Variants in HTR4 observed in about 807,000 individuals in gnomAD.
HTR4 encodes the protein 5-hydroxytryptamine receptor 4.
Under a neutral mutation model 36.8 loss-of-function variants are expected in HTR4, and 16 were observed. The ratio of observed to expected loss-of-function variants is 0.43; its 90% CI spans 0.29 to 0.66. The LOEUF is 0.66. Ranked by LOEUF, HTR4 falls within the 30% of genes least tolerant of loss-of-function variation. The probability of loss-of-function intolerance (pLI) is 0.13; values close to 1 mark genes in which losing one functional copy is unlikely to be tolerated. For missense variants in HTR4, 438 were observed against 490.9 expected, an observed-to-expected ratio of 0.89 and a Z score of 1.02; for synonymous variants, 189 against 185.1, an observed-to-expected ratio of 1.02 and a Z score of -0.17.
chr5:148,620,683 A>G (rs1752881730), intron 2 of HTR4, among the ~76,000 whole-genome samples: 1 of 152,248 alleles, frequency 6.6e-6, no homozygotes, highest in Non-Finnish European at 1.5e-5. Context: ...TATTTTTAAC[A>G]TAGTTGTTAC....
chr5:148,521,216 C>T (rs573048995), intron 5 of HTR4, among the ~76,000 whole-genome samples: 1 of 152,302 alleles, frequency 6.6e-6, no homozygotes, highest in South Asian at 2.1e-4. Flanking sequence ...CTGGAGGACT[C>T]TTAAAGGTTA....
chr5:148,554,383 A>T (rs894823107), intron 2 of HTR4, among the ~76,000 whole-genome samples: 2 of 152,158 alleles, frequency 1.3e-5, no homozygotes, highest in Non-Finnish European at 2.9e-5. Flanking sequence ...CCAGGAATGA[A>T]GTTTTGATAC....
intron 1 of HTR4, 55 bp downstream of exon 1, chr5:148,653,993 CCCGCCGCGTCCCCA>C: frequency 1.1e-6 from 1 of 932,850 alleles, no homozygotes; most frequent in Non-Finnish European, 1.3e-6. Flanking sequence ...CTGCCCCGCC[CCCGCCGCGTCCCCA>C]CCGGCACCCG....
chr5:148,646,182 T>C (rs1304748892), intron 1 of HTR4: 1 of 152,228 alleles, frequency 6.6e-6, no homozygotes, highest in African/African-American at 2.4e-5. Context: ...TGGAGAGCAG[T>C]TCAGGAGACA....
At chr5:148,478,088 C>A (rs560545476), downstream of HTR4, among the ~76,000 whole-genome samples, 1 of 152,144 alleles carries the variant, frequency 6.6e-6, no homozygotes, top group African/African-American at 2.4e-5. Context: ...AGACCTTGTC[C>A]GGTTTCTTTA....
intron 5 of HTR4, 73 bp downstream of exon 5, chr5:148,523,120 T>C (rs949539568): frequency 2.6e-5 from 35 of 1,339,704 alleles, no homozygotes; most frequent in Non-Finnish European, 3.4e-5. Context: ...CAATCTAATA[T>C]TATTTATTCA....
chr5:148,559,995 G>C (rs977636844), intron 2 of HTR4, among the ~76,000 whole-genome samples: 1 of 151,788 alleles, frequency 6.6e-6, no homozygotes, highest in Non-Finnish European at 1.5e-5. Context: ...TCATCTGTGT[G>C]GTCTTCATTT....
At chr5:148,611,729 T>G (rs561735778) in intron 2 of HTR4, among the ~76,000 whole-genome samples, 1 of 151,900 alleles carries the variant, frequency 6.6e-6, no homozygotes, top group East Asian at 1.9e-4. Context: ...AGACACAGAC[T>G]GGCAAATTGG....
At chr5:148,521,595 A>T (rs1289727091) in intron 5 of HTR4, among the ~76,000 whole-genome samples, 1 of 151,920 alleles carries the variant, frequency 6.6e-6, no homozygotes, top group Non-Finnish European at 1.5e-5. Flanking sequence ...ACTGGTAAAC[A>T]TCCATAATCA....
At chr5:148,618,556 G>A (rs1816066) in intron 2 of HTR4, among the ~76,000 whole-genome samples, 18,249 of 152,158 alleles carry the variant, frequency 0.12, 1,352 homozygotes, top group East Asian at 0.34. Context: ...CTCTTTGTGG[G>A]ATCTGATAAT....
chr5:148,549,379 C>A (rs193245222), intron 3 of HTR4, among the ~76,000 whole-genome samples: 5 of 152,176 alleles, frequency 3.3e-5, no homozygotes, highest in African/African-American at 1.2e-4. Flanking sequence ...GTCAGAATTG[C>A]GCTTTTGCAC....
chr5:148,645,638 A>G (rs141881410), intron 1 of HTR4: 66 of 152,328 alleles, frequency 4.3e-4, no homozygotes, highest in African/African-American at 1.6e-3. Flanking sequence ...AGATAAACAT[A>G]CCAAAAACCT....
At chr5:148,645,529 C>T (rs1340210150) in intron 1 of HTR4, 1 of 152,106 alleles carries the variant, frequency 6.6e-6, no homozygotes, top group Admixed American at 6.5e-5. Flanking sequence ...TGATTCAAAC[C>T]ACAACCCTGG....
intron 2 of HTR4, among the ~76,000 whole-genome samples, chr5:148,567,574 G>T (rs571616095): frequency 6.6e-6 from 1 of 151,886 alleles, no homozygotes; most frequent in South Asian, 2.1e-4. Context: ...CTTTGATCTC[G>T]ATTTCCACCA....
At chr5:148,549,012 C>G (rs1759540804) in intron 3 of HTR4, 144 bp from the exon 4 acceptor site, 2 of 664,492 alleles carry the variant, frequency 3.0e-6, no homozygotes, top group Non-Finnish European at 5.3e-6. Flanking sequence ...AAGAAAAAGT[C>G]ACATGCTTAG....
chr5:148,494,474 C>T (rs749836983), intron 6 of HTR4, among the ~76,000 whole-genome samples: 4 of 152,180 alleles, frequency 2.6e-5, no homozygotes, highest in Non-Finnish European at 5.9e-5. Context: ...TTCTCTTTGC[C>T]TCTTACTCAT....
At chr5:148,456,464 G>T (rs372073335) in intron 5 of HTR4, among the ~76,000 whole-genome samples, 4 of 152,260 alleles carry the variant, frequency 2.6e-5, no homozygotes, top group African/African-American at 9.6e-5. Context: ...GGGAAATATT[G>T]AGAGAAAAGA....
chr5:148,557,361 C>A (rs974192579), intron 2 of HTR4, among the ~76,000 whole-genome samples: 1 of 139,512 alleles, frequency 7.2e-6, no homozygotes, highest in Non-Finnish European at 1.7e-5. Flanking sequence ...CAAATAAACG[C>A]CATATTTTAG....
At chr5:148,571,767 G>T (rs976830909) in intron 2 of HTR4, among the ~76,000 whole-genome samples, 2 of 152,002 alleles carry the variant, frequency 1.3e-5, no homozygotes, top group Non-Finnish European at 2.9e-5. Context: ...AATGTCAAAG[G>T]TTGGAGAGAG....
Sources: gnomAD v4.1 joint callset for allele counts (sites outside exome capture counted in the v4.1 genomes callset) on GRCh38, gnomAD v4.1.1 for gene constraint, MANE v1.5 for transcripts, NCBI Gene and HGNC (gene_info 2026-07-23, HGNC 2026-07-21) for gene names.